CCDC50: variants seen among roughly 807,000 people sequenced by gnomAD.
CCDC50 encodes coiled-coil domain containing 50.
Under a neutral mutation model 70.2 loss-of-function variants are expected in CCDC50, and 54 were observed. The observed-to-expected ratio is 0.77, with a 90% CI of 0.62 to 0.96. The LOEUF is 0.96. Among genes scored for constraint, CCDC50 ranks in the 50% least tolerant of loss-of-function variants. The pLI is 0.00. For synonymous variants in CCDC50, 216 were observed against 198.8 expected, an observed-to-expected ratio of 1.09 and a Z score of -0.73; for missense variants, 558 against 578.7, an observed-to-expected ratio of 0.96 and a Z score of 0.37.
chr3:191,346,553 T>C (rs573751640), intron 1 of CCDC50, among the ~76,000 whole-genome samples: 2 of 152,196 alleles, frequency 1.3e-5, no homozygotes, highest in South Asian at 4.1e-4. Context: ...CCGTATGATA[T>C]GCTACATGGA....
chr3:191,388,018 AG>A (rs1713556542), intron 10 of CCDC50, among the ~76,000 whole-genome samples: 1 of 152,160 alleles, frequency 6.6e-6, no homozygotes, highest in African/African-American at 2.4e-5. Context: ...TGTTTATTAA[AG>A]ATAAGTGTTA....
chr3:191,364,914 C>G (rs181997752), intron 4 of CCDC50, among the ~76,000 whole-genome samples: 1 of 151,950 alleles, frequency 6.6e-6, no homozygotes, highest in Non-Finnish European at 1.5e-5. Flanking sequence ...CATAGTTTCT[C>G]GAATATGGTA....
chr3:191,356,992 T>C, intron 1 of CCDC50, 96 bp from the exon 2 acceptor site: 2 of 781,186 alleles, frequency 2.6e-6, no homozygotes, highest in Non-Finnish European at 4.5e-6. Context: ...ATATTAGAAT[T>C]GATTTTTTTT....
At chr3:191,331,128 A>G (rs1006124541) in intron 1 of CCDC50, among the ~76,000 whole-genome samples, 1 of 152,044 alleles carries the variant, frequency 6.6e-6, no homozygotes, top group Admixed American at 6.5e-5. Flanking sequence ...TTTGGATATG[A>G]GGGTTTTTTG....
intron 9 of CCDC50, among the ~76,000 whole-genome samples, chr3:191,381,297 A>G (rs1018168895): frequency 2.0e-5 from 3 of 152,144 alleles, no homozygotes; most frequent in East Asian, 3.8e-4. Context: ...TCCCGTCTCT[A>G]CTTTCTTTGT....
At chr3:191,331,088 A>G (rs1271907113) in intron 1 of CCDC50, among the ~76,000 whole-genome samples, 1 of 152,130 alleles carries the variant, frequency 6.6e-6, no homozygotes, top group Non-Finnish European at 1.5e-5. Context: ...GAGAGTTCTT[A>G]TCTTAGAGAT....
At chr3:191,368,231 A>G (rs909439609) in intron 4 of CCDC50, among the ~76,000 whole-genome samples, 4 of 151,886 alleles carry the variant, frequency 2.6e-5, no homozygotes, top group African/African-American at 9.7e-5. Flanking sequence ...TTTTCCATCA[A>G]AGTCTTAGAA....
At chr3:191,372,807 T>A (rs1712957521) in intron 5 of CCDC50, among the ~76,000 whole-genome samples, 1 of 152,108 alleles carries the variant, frequency 6.6e-6, no homozygotes, top group African/African-American at 2.4e-5. Context: ...ATTTTTTAAG[T>A]TGTGGTCTTT....
chr3:191,329,447 T>G lies in CCDC50; in HGVS notation c.-228T>G. On this transcript the variant is annotated 5_prime_UTR_variant, in exon 1 of 12. Transcript: ENST00000392455. ...ATTGGGGCCGGGGACGCGGAGCAGG[T>G]GGCCGCGGCGGGGCAGCTGGGCCGC... The G allele has an allele frequency of 2.2e-6, 1 of 462,190 alleles. No individual in the cohort carries two copies. Among genetic ancestry groups the G allele is most frequent in the South Asian group, 4.1e-5 (1 of 24,560 alleles). The allele number at this position is 462,190 out of a possible 1,614,324, so 28.6% of individuals were successfully genotyped here.
intron 5 of CCDC50, 55 bp from the exon 6 acceptor site, chr3:191,375,007 C>A (rs374362067): frequency 1.9e-6 from 3 of 1,560,766 alleles, no homozygotes; most frequent in Non-Finnish European, 1.8e-6. Context: ...GAGTTCATAA[C>A]TCTCATTAAA....
intron 10 of CCDC50, among the ~76,000 whole-genome samples, chr3:191,387,558 A>C (rs1431644568): frequency 3.3e-5 from 5 of 152,026 alleles, no homozygotes; most frequent in Non-Finnish European, 7.4e-5. Flanking sequence ...AGTACCCTTA[A>C]GAGCACTGAA....
intron 10 of CCDC50, among the ~76,000 whole-genome samples, chr3:191,384,110 T>C (rs1336076591): frequency 1.3e-5 from 2 of 152,154 alleles, no homozygotes; most frequent in African/African-American, 4.8e-5. Context: ...GTTTTTGGAA[T>C]ATAATAGATA....
intron 10 of CCDC50, among the ~76,000 whole-genome samples, chr3:191,386,076 T>C (rs1459270737): frequency 1.3e-5 from 2 of 152,198 alleles, no homozygotes; most frequent in Admixed American, 1.3e-4. Flanking sequence ...TTTGTTCTTA[T>C]TGCTTAGGAT....
rs1712079608 is a variant in CCDC50 at position 191,350,708 on chromosome 3, T to C, written c.50-6380T>C. ...CAGAAAATTCTGGCTTTGGTTGAAATGGGGTGATAGATAGGTACTCATTCT... is the reference window on the plus strand; with the variant it reads ...CAGAAAATTCTGGCTTTGGTTGAAACGGGGTGATAGATAGGTACTCATTCT... On this transcript the variant is annotated intron_variant, in intron 1 of 11. Transcript: ENST00000392455. Among the ~76,000 whole-genome samples, 2 of 141,624 alleles carry C rather than the reference T, an allele frequency of 1.4e-5. 1 individual carries two copies. The highest frequency in any genetic ancestry group is 3.2e-5 in the Non-Finnish European group (2 of 62,840). 92.9% of individuals were successfully genotyped at this position (141,624 alleles called of 152,430 possible).
At position 191,375,239 on chromosome 3, in the gene CCDC50, C is replaced by T. The variant is rs115771997; in HGVS notation, c.626C>T (p.Ser209Leu). Residue 209 changes from serine (S) to leucine (L), a missense_variant, in exon 6 of 12, where the codon TCG becomes TTG. Ser to Leu is a moderately radical substitution (Grantham distance 145). Coordinates refer to ENST00000392455, the MANE Select transcript of CCDC50 (RefSeq NM_178335.3). Reference sequence around the variant, plus strand: ...AAGAGATCCCTGTCATCCTCTAGCTCGGGCAAAGGGAGGGACAATCCCCAT... The same window carrying T: ...AAGAGATCCCTGTCATCCTCTAGCTTGGGCAAAGGGAGGGACAATCCCCAT... ...SSKRSLSSSS[S>L]GKGRDNPHIN... 1,034 of 1,613,690 alleles carry T rather than the reference C, an allele frequency of 6.4e-4. 5 individuals carry two copies. The African/African-American group carries it at 0.011, about 17-fold the overall frequency.
At chr3:191,357,243 C>A in intron 2 of CCDC50, 93 bp downstream of exon 2, 1 of 966,300 alleles carries the variant, frequency 1.0e-6, no homozygotes, top group Non-Finnish European at 1.7e-6. Context: ...GGAGAGAGCA[C>A]AGTCACTTGG....
chr3:191,384,358 T>C (rs1713418564), intron 10 of CCDC50, among the ~76,000 whole-genome samples: 1 of 152,184 alleles, frequency 6.6e-6, no homozygotes, highest in Non-Finnish European at 1.5e-5. Context: ...TTATATATCT[T>C]GCATATGTAG....
intron 1 of CCDC50, among the ~76,000 whole-genome samples, chr3:191,335,340 GTGCCAT>G (rs1468925838): frequency 6.6e-6 from 1 of 152,186 alleles, no homozygotes; most frequent in East Asian, 1.9e-4. Context: ...GCCACTGGAA[GTGCCAT>G]TGGATTAATG....
At chr3:191,358,755 C>T (rs891816769) in intron 3 of CCDC50, among the ~76,000 whole-genome samples, 1 of 152,168 alleles carries the variant, frequency 6.6e-6, no homozygotes, top group African/African-American at 2.4e-5. Context: ...TCCCAGGATA[C>T]ATTTCTTCTT....
Sources: gnomAD v4.1 joint callset for allele counts (sites outside exome capture counted in the v4.1 genomes callset) on GRCh38, gnomAD v4.1.1 for gene constraint, MANE v1.5 for transcripts, NCBI Gene and HGNC (gene_info 2026-07-23, HGNC 2026-07-21) for gene names.